C6orf52: variants seen among roughly 807,000 people sequenced by gnomAD.
The protein encoded by C6orf52 is chromosome 6 open reading frame 52, also known as putative uncharacterized protein C6orf52.
C6orf52 carries 16 observed loss-of-function variants against 16.6 expected under a neutral mutation model. That is an observed-to-expected ratio of 0.96 (90% confidence interval 0.65 to 1.46). The LOEUF (loss-of-function observed/expected upper bound fraction) is 1.46, where lower values mean the gene tolerates loss of function less well. C6orf52 is among the 40% of genes most tolerant of loss of function. The pLI is 0.00. For missense variants in C6orf52, 166 were observed against 182.3 expected (o/e 0.91, Z 0.52); for synonymous variants, 53 against 61.4 (o/e 0.86, Z 0.64).
chr6:10,690,312 C>G (rs984146525), intron 1 of C6orf52, among the ~76,000 whole-genome samples: 6 of 152,188 alleles, frequency 3.9e-5, no homozygotes, highest in African/African-American at 7.2e-5. Context: ...TCCCATGAAT[C>G]AGGTGAAGCA....
chr6:10,688,907 G>A (rs553916989), intron 1 of C6orf52, among the ~76,000 whole-genome samples: 34 of 152,304 alleles, frequency 2.2e-4, no homozygotes, highest in African/African-American at 8.2e-4. Flanking sequence ...CACCTCCCAG[G>A]TTCAAGTGAT....
At chr6:10,685,852 A>C (rs955686408) in intron 3 of C6orf52, among the ~76,000 whole-genome samples, 4 of 152,208 alleles carry the variant, frequency 2.6e-5, no homozygotes, top group African/African-American at 9.7e-5. Context: ...GAAAAGTGTA[A>C]ATTCATGCAG....
At chr6:10,691,403 G>A (rs1191215558) in intron 1 of C6orf52, among the ~76,000 whole-genome samples, 1 of 152,072 alleles carries the variant, frequency 6.6e-6, no homozygotes, top group Admixed American at 6.6e-5. Flanking sequence ...GCAAGCGGGG[G>A]TACATGACTG....
chr6:10,672,172 T>C (rs1339260259), intron 4 of C6orf52, among the ~76,000 whole-genome samples: 1 of 152,228 alleles, frequency 6.6e-6, no homozygotes, highest in Non-Finnish European at 1.5e-5. Context: ...GCCCAAGTTG[T>C]CAGGTTTCCA....
At chr6:10,687,433 T>C (rs1327992444) in intron 2 of C6orf52, 47 bp downstream of exon 2, 4 of 1,322,594 alleles carry the variant, frequency 3.0e-6, no homozygotes, top group Non-Finnish European at 4.2e-6. Context: ...ATGTAGCAAA[T>C]AGAACAGTAA....
intron 1 of C6orf52, among the ~76,000 whole-genome samples, chr6:10,688,786 G>T (rs567422912): frequency 3.3e-5 from 5 of 152,264 alleles, no homozygotes; most frequent in African/African-American, 1.2e-4. Context: ...TTTACTTTTT[G>T]AAACTTTTTG....
intron 1 of C6orf52, among the ~76,000 whole-genome samples, chr6:10,688,094 G>C (rs1244911259): frequency 4.6e-5 from 7 of 151,680 alleles, no homozygotes; most frequent in African/African-American, 1.5e-4. Context: ...TTAAGAGGCA[G>C]AGAAGAACGC....
chr6:10,674,446 T>C (rs58355869), intron 4 of C6orf52, among the ~76,000 whole-genome samples: 2,257 of 152,302 alleles, frequency 0.015, 50 homozygotes, highest in African/African-American at 0.051. Flanking sequence ...GTGTTTCACA[T>C]TGTCTATTTT....
At position 10,684,037 on chromosome 6, in the gene C6orf52, A is replaced by G. The variant is rs559546327; in HGVS notation, c.271-805T>C. 2.0e-5 allele frequency among the ~76,000 whole-genome samples: 3 copies of G among 152,360 alleles called. No individual in the cohort carries two copies. The South Asian group carries it at 6.2e-4, about 32-fold the overall frequency. On this transcript the variant is annotated intron_variant, in intron 3 of 4. Transcript: ENST00000259983. ...CAAAGATCTACTATCTTTTCTTTTC[A>G]GTCTATCTGAAAGTATGCCTCCCCT...
chr6:10,685,666 G>A (rs551000572), intron 3 of C6orf52, among the ~76,000 whole-genome samples: 1 of 152,122 alleles, frequency 6.6e-6, no homozygotes, highest in African/African-American at 2.4e-5. Flanking sequence ...CAAGCAAGAG[G>A]GACACAACTC....
At chr6:10,691,368 G>C (rs1272267612) in intron 1 of C6orf52, among the ~76,000 whole-genome samples, 1 of 152,108 alleles carries the variant, frequency 6.6e-6, no homozygotes, top group East Asian at 1.9e-4. Flanking sequence ...AAGGAGGTCC[G>C]TGTGAGAGGG....
chr6:10,690,009 A>G (rs964706181), intron 1 of C6orf52, among the ~76,000 whole-genome samples: 1 of 152,192 alleles, frequency 6.6e-6, no homozygotes, highest in African/African-American at 2.4e-5. Context: ...ATTTTACACA[A>G]AGAAAATCAC....
intron 3 of C6orf52, among the ~76,000 whole-genome samples, chr6:10,685,339 G>A (rs1768785129): frequency 6.6e-6 from 1 of 150,478 alleles, no homozygotes; most frequent in South Asian, 2.1e-4. Context: ...TGTTAAAAGG[G>A]AAAAACCCAA....
chr6:10,680,541 C>G (rs1300839505), intron 4 of C6orf52, among the ~76,000 whole-genome samples: 1 of 151,970 alleles, frequency 6.6e-6, no homozygotes, highest in Non-Finnish European at 1.5e-5. Flanking sequence ...AAATAAGTTT[C>G]AAAGTATTTC....
At chr6:10,684,462 GGATGAGGGAAGCAGGAAGTATCT>G (rs1768681787) in intron 3 of C6orf52, among the ~76,000 whole-genome samples, 1 of 152,224 alleles carries the variant, frequency 6.6e-6, no homozygotes, top group Admixed American at 6.5e-5. Flanking sequence ...TAAATAACCA[GGATGAGGGAAGCAGGAAGTATCT>G]GGAGACAGAG....
chr6:10,686,157 A>G (rs1768854646), intron 3 of C6orf52, among the ~76,000 whole-genome samples: 1 of 152,220 alleles, frequency 6.6e-6, no homozygotes. Flanking sequence ...CAGTCTCCCA[A>G]GTAGCTGGGA....
intron 4 of C6orf52, among the ~76,000 whole-genome samples, chr6:10,675,944 C>T (rs1767836095): frequency 6.6e-6 from 1 of 152,112 alleles, no homozygotes; most frequent in Admixed American, 6.5e-5. Context: ...CCAGTCTGGC[C>T]AACATGGTGA....
intron 4 of C6orf52, chr6:10,674,699 T>C (rs1389833797): frequency 6.8e-6 from 1 of 148,036 alleles, no homozygotes; most frequent in Non-Finnish European, 1.5e-5. Flanking sequence ...AAGGAAAGAG[T>C]AGAACAAAAA....
chr6:10,686,657 CTTT>C (rs910686575), intron 3 of C6orf52, among the ~76,000 whole-genome samples: 1 of 152,110 alleles, frequency 6.6e-6, no homozygotes, highest in African/African-American at 2.4e-5. Context: ...ACTTCATTAG[CTTT>C]TTGTGTTGTT....
Sources: gnomAD v4.1 joint callset for allele counts (sites outside exome capture counted in the v4.1 genomes callset) on GRCh38, gnomAD v4.1.1 for gene constraint, MANE v1.5 for transcripts, NCBI Gene and HGNC (gene_info 2026-07-23, HGNC 2026-07-21) for gene names.